Variants in ANKLE2 observed in about 807,000 individuals in gnomAD.
The protein encoded by ANKLE2 is ankyrin repeat and LEM domain-containing protein 2.
In ANKLE2, 55 loss-of-function variants were observed where a neutral mutation model predicts 84.2. The observed-to-expected ratio is 0.65, with a 90% confidence interval of 0.53 to 0.82. The LOEUF (loss-of-function observed/expected upper bound fraction) is 0.82. ANKLE2 is among the 40% of genes least tolerant of loss of function. ANKLE2 has a pLI of 0.00. For missense variants in ANKLE2, 1,238 were observed against 1,201.9 expected (o/e 1.03, Z -0.44); for synonymous variants, 551 against 486.1 (o/e 1.13, Z -1.76).
intron 9 of ANKLE2, 34 bp downstream of exon 9, chr12:132,735,372 T>G: frequency 6.4e-7 from 1 of 1,570,376 alleles, no homozygotes; most frequent in Non-Finnish European, 8.8e-7. Flanking sequence ...ACCAACTGTG[T>G]GCCCCACGCT....
intron 1 of ANKLE2, chr12:132,759,264 C>CG (rs1166634621): frequency 1.3e-5 from 2 of 150,356 alleles, no homozygotes. Context: ...AGTGGCACCC[C>CG]GGGGTATCAG....
At chr12:132,748,539 C>G (rs2044289240) in intron 3 of ANKLE2, among the ~76,000 whole-genome samples, 1 of 152,070 alleles carries the variant, frequency 6.6e-6, no homozygotes, top group Non-Finnish European at 1.5e-5. Context: ...GTCAGCAGAG[C>G]AAGTGAGGGA....
chr12:132,754,676 A>G lies in ANKLE2; in HGVS notation c.639T>C (p.Asn213=). ...CPVYEDVPAR[N]ERIYVYENKK... ...AAATCCTACACACGGTCCCATTACC[A>G]TTTCTCGCTGGGACGTCCTCATACA... Residue 213 remains asparagine (N), a splice_region_variant and synonymous_variant, in exon 2 of 13, where the codon AAT becomes AAC. Transcript: ENST00000357997. 1 of 1,598,350 alleles carries G rather than the reference A, an allele frequency of 6.3e-7. No individual in the cohort carries two copies. The highest frequency in any genetic ancestry group is 1.1e-5 in the South Asian group (1 of 89,934).
At chr12:132,761,557 G>A in intron 1 of ANKLE2, 61 bp downstream of exon 1, 3 of 1,177,416 alleles carry the variant, frequency 2.5e-6, no homozygotes, top group Non-Finnish European at 3.2e-6. Flanking sequence ...CAGGCCCGAG[G>A]AGGGCGTCGG....
In ANKLE2 at chr12:132,727,123, C is replaced by G; in HGVS notation, c.*119G>C. 9.4e-7 allele frequency: 1 copy of G among 1,068,388 alleles called. No individual in the cohort carries two copies. The allele number at this position is 1,068,388 out of a possible 1,614,324, so 66.2% of individuals were successfully genotyped here. On this transcript the variant is annotated 3_prime_UTR_variant, in exon 13 of 13. Coordinates refer to ENST00000357997, the MANE Select transcript of ANKLE2 (RefSeq NM_015114.3). ...ATTTAAATCTTCTAAAATTCTCACA[C>G]CCTCAAAGTGAGGAGTAATAATTTA...
chr12:132,751,073 C>G (rs1318894236), intron 2 of ANKLE2: 1 of 444,470 alleles, frequency 2.2e-6, no homozygotes, highest in Admixed American at 3.9e-5. Flanking sequence ...ATATTATGTT[C>G]ATATATGTAA....
At position 132,730,087 on chromosome 12, in the gene ANKLE2, C is replaced by T; in HGVS notation, c.2075G>A (p.Gly692Glu). The T allele has an allele frequency of 6.2e-7, 1 of 1,612,522 alleles. No individual in the cohort carries two copies. The highest frequency in any genetic ancestry group is 1.1e-5 in the South Asian group (1 of 91,038). Reference protein sequence around the residue: ...EADLIEAAEPGGPHSSRNGLC... With the variant: ...EADLIEAAEPEGPHSSRNGLC... Reference sequence around the variant, plus strand: ...CCCATTTCTGCTGCTGTGTGGACCTCCCGGCTCGGCGGCTTCTATGAGGTC... The same window carrying T: ...CCCATTTCTGCTGCTGTGTGGACCTTCCGGCTCGGCGGCTTCTATGAGGTC... Residue 692 changes from glycine to glutamate, a missense_variant, in exon 11 of 13, where the codon GGA becomes GAA. Gly to Glu is a moderately conservative substitution (Grantham distance 98). Around this residue, in one of 3 missense-constraint regions of ANKLE2, gnomAD observed 802 missense variants for 774.5 expected, o/e 1.04. Transcript: ENST00000357997.
chr12:132,740,830 G>A (rs1006532888), intron 7 of ANKLE2, among the ~76,000 whole-genome samples: 22 of 123,620 alleles, frequency 1.8e-4, no homozygotes, highest in African/African-American at 5.7e-4. Context: ...CTCTCTCCCA[G>A]AGGCGAGTGG....
chr12:132,736,300 T>TGC (rs2044007552), intron 8 of ANKLE2, among the ~76,000 whole-genome samples: 1 of 152,218 alleles, frequency 6.6e-6, no homozygotes. Context: ...CACAGGATGG[T>TGC]GCGTGCAGGT....
chr12:132,748,979 T>C (rs1431860056), intron 3 of ANKLE2: 3 of 150,772 alleles, frequency 2.0e-5, no homozygotes, highest in African/African-American at 4.9e-5. Context: ...AAAAGTGTTG[T>C]AATTACAGGG....
intron 10 of ANKLE2, among the ~76,000 whole-genome samples, chr12:132,733,008 T>C (rs2043916867): frequency 1.5e-5 from 2 of 135,774 alleles, no homozygotes; most frequent in African/African-American, 3.0e-5. Flanking sequence ...GTGTCTGATA[T>C]GCACTGTGTG....
chr12:132,731,122 T>C (rs532769992), intron 10 of ANKLE2: 1 of 152,352 alleles, frequency 6.6e-6, no homozygotes, highest in South Asian at 2.1e-4. Context: ...TTCACGATGG[T>C]GGCCGCGGCC....
chr12:132,733,237 A>AAC (rs2043927725), intron 10 of ANKLE2, among the ~76,000 whole-genome samples: 1 of 136,484 alleles, frequency 7.3e-6, no homozygotes, highest in African/African-American at 2.8e-5. Flanking sequence ...TCTGATATGC[A>AAC]CCGTGTGAAG....
chr12:132,740,829 A>AGAGGCGAGTGGGGAGGGAACGTCCCG (rs150939981), intron 7 of ANKLE2, among the ~76,000 whole-genome samples: 47,452 of 143,510 alleles, frequency 0.33, 10,118 homozygotes, highest in Non-Finnish European at 0.45. Flanking sequence ...CCTCTCTCCC[A>AGAGGCGAGTGGGGAGGGAACGTCCCG]GAGGCGAGTG....
rs1385226920 is a variant in ANKLE2, at chr12:132,730,221, G to A, written c.1941C>T (p.Ser647=). Residue 647 remains serine, a synonymous_variant, in exon 11 of 13, where the codon AGC becomes AGT. Transcript: ENST00000357997. ...TTTGCCGATTTTTTATTTCTTCCAA[G>A]CTCATGTCATCTTCATCTAGAAACG... The part of the protein sequence containing the change: ...VRAFLDEDDM[S]LEEIKNRQNA... 1.3e-6 allele frequency: 2 copies of A among 1,589,104 alleles called. No homozygotes were observed. The highest frequency in any genetic ancestry group is 3.6e-5 in the Admixed American group (2 of 55,998).
rs916526087 is a variant in ANKLE2 at position 132,734,439 on chromosome 12, G to C, written c.1837C>G (p.Gln613Glu). 2.5e-6 allele frequency: 4 copies of C among 1,613,998 alleles called. No individual in the cohort carries two copies. Among genetic ancestry groups the C allele is most frequent in the Non-Finnish European group, 3.4e-6 (4 of 1,180,032 alleles). ...LTQQEIGKKA[Q>E]QETGEREASC... ...GCTTCCCGTTCTCCTGTTTCTTGTT[G>C]AGCCTTTTTGCCTATTTCCTGCTGT... Residue 613 changes from glutamine (Q) to glutamate (E), a missense_variant, in exon 10 of 13, where the codon CAA becomes GAA. Gln to Glu is a conservative substitution (Grantham distance 29). Coordinates refer to ENST00000357997, the MANE Select transcript of ANKLE2 (RefSeq NM_015114.3).
chr12:132,756,790 G>C (rs1479155501), intron 1 of ANKLE2: 1 of 151,654 alleles, frequency 6.6e-6, no homozygotes, highest in Admixed American at 6.6e-5. Flanking sequence ...AATTAGACAG[G>C]CGCAGTGGCG....
At chr12:132,745,004 T>C (rs1011435714) in intron 5 of ANKLE2, among the ~76,000 whole-genome samples, 9 of 152,166 alleles carry the variant, frequency 5.9e-5, no homozygotes. Flanking sequence ...TAAACTACAA[T>C]ACTGGCTACC....
intron 2 of ANKLE2, among the ~76,000 whole-genome samples, chr12:132,753,180 C>T (rs949839523): frequency 1.8e-4 from 27 of 151,966 alleles, no homozygotes; most frequent in Non-Finnish European, 7.4e-5. Context: ...CGTACTGGCA[C>T]GTGCCCGTGA....
Sources: gnomAD v4.1 joint callset for allele counts (sites outside exome capture counted in the v4.1 genomes callset) on GRCh38, gnomAD v4.1.1 for gene constraint, gnomAD v4.1.1 regional missense constraint, MANE v1.5 for transcripts, NCBI Gene and HGNC (gene_info 2026-07-23, HGNC 2026-07-21) for gene names.